HDAC8: variants seen among roughly 807,000 people sequenced by gnomAD.
The protein encoded by HDAC8 is histone deacetylase 8.
In HDAC8, 1 loss-of-function variant was observed where a neutral mutation model predicts 32.2. The observed-to-expected ratio is 0.03, with a 90% confidence interval of 0.01 to 0.15. HDAC8 has a LOEUF of 0.15. Ranked by LOEUF, HDAC8 falls within the 10% of genes least tolerant of loss-of-function variation. The pLI is 1.00. For synonymous variants in HDAC8, 108 were observed against 113.9 expected, an observed-to-expected ratio of 0.95 and a Z score of 0.33; for missense variants, 117 against 300.0, an observed-to-expected ratio of 0.39 and a Z score of 4.51.
intron 9 of HDAC8, among the ~76,000 whole-genome samples, chrX:72,386,902 C>G (rs1219275113): frequency 2.7e-5 from 3 of 112,092 alleles, no homozygotes; most frequent in Admixed American, 9.4e-5. Flanking sequence ...GGAATGGACA[C>G]AACTGTGCAG....
At chrX:72,470,919 TC>T (rs2048156636) in intron 7 of HDAC8, among the ~76,000 whole-genome samples, 1 of 111,417 alleles carries the variant, frequency 9.0e-6, no homozygotes, top group South Asian at 3.8e-4. Context: ...TTTAGCATAT[TC>T]AAAGAGTTGT....
chrX:72,421,838 G>C (rs1555973695), intron 9 of HDAC8, among the ~76,000 whole-genome samples: 4 of 111,828 alleles, frequency 3.6e-5, no homozygotes, highest in Non-Finnish European at 3.8e-5. Flanking sequence ...TTCTAGGATA[G>C]GATTAGTGGT....
chrX:72,545,187 G>T (rs1413896525), intron 4 of HDAC8, among the ~76,000 whole-genome samples: 1 of 111,799 alleles, frequency 8.9e-6, no homozygotes, highest in Non-Finnish European at 1.9e-5. Context: ...CTTGAAGGCA[G>T]TAGAGAATAG....
intron 7 of HDAC8, among the ~76,000 whole-genome samples, chrX:72,479,881 A>G (rs1556002266): frequency 8.9e-6 from 1 of 112,283 alleles, no homozygotes; most frequent in Non-Finnish European, 1.9e-5. Flanking sequence ...GAGTTCACTG[A>G]CTGAGGTTTC....
chrX:72,527,772 CTTTTTTTTT>C (rs1157041190), intron 4 of HDAC8, among the ~76,000 whole-genome samples: 1 of 89,536 alleles, frequency 1.1e-5, no homozygotes, highest in Non-Finnish European at 2.2e-5. Context: ...TTTCTGACCT[CTTTTTTTTT>C]TTTTTTTTTT....
At chrX:72,505,151 T>C (rs782052644) in intron 4 of HDAC8, among the ~76,000 whole-genome samples, 3 of 111,267 alleles carry the variant, frequency 2.7e-5, no homozygotes, top group Non-Finnish European at 3.8e-5. Context: ...CACACACTTA[T>C]TGGATATATG....
chrX:72,511,156 G>C (rs995560086), intron 4 of HDAC8, among the ~76,000 whole-genome samples: 4 of 111,515 alleles, frequency 3.6e-5, no homozygotes, highest in African/African-American at 1.3e-4. Flanking sequence ...TTTAAAAAGA[G>C]GTTAAAGAAC....
At chrX:72,350,832 T>C (rs1555948588) in intron 10 of HDAC8, among the ~76,000 whole-genome samples, 1 of 111,739 alleles carries the variant, frequency 8.9e-6, no homozygotes, top group African/African-American at 3.3e-5. Flanking sequence ...ACTTCCCCTC[T>C]ACCCCGAGGC....
At chrX:72,388,595 TACACACAC>T (rs59374504) in intron 9 of HDAC8, among the ~76,000 whole-genome samples, 214 of 88,402 alleles carry the variant, frequency 2.4e-3, no homozygotes, top group Admixed American at 3.9e-3. Flanking sequence ...CCACAGTGAT[TACACACAC>T]ACACACACAC....
Position 72,491,686 on chromosome X carries a change from G to A in HDAC8, c.551-680C>T, listed in dbSNP as rs1048900291. 2.7e-5 allele frequency among the ~76,000 whole-genome samples: 3 copies of A among 111,554 alleles called. No individual in the cohort carries two copies. In the Admixed American group the frequency reaches 2.9e-4, roughly 11 times the overall value. ...AGAAAGATGGGCGAGAAAGGGGTCTGTTTTCCATTTTAACTTAGTGAGTAA... is the reference window on the plus strand; with the variant it reads ...AGAAAGATGGGCGAGAAAGGGGTCTATTTTCCATTTTAACTTAGTGAGTAA... On this transcript the variant is annotated intron_variant, in intron 5 of 10. Coordinates refer to ENST00000373573, the MANE Select transcript of HDAC8 (RefSeq NM_018486.3).
intron 4 of HDAC8, among the ~76,000 whole-genome samples, chrX:72,559,992 G>A (rs1423642176): frequency 9.9e-6 from 1 of 100,800 alleles, no homozygotes; most frequent in African/African-American, 3.7e-5. Flanking sequence ...GGTGGGGGGC[G>A]CCTCTGCCCG....
At chrX:72,350,794 T>A (rs73225126) in intron 10 of HDAC8, among the ~76,000 whole-genome samples, 484 of 111,748 alleles carry the variant, frequency 4.3e-3, no homozygotes, top group Non-Finnish European at 7.9e-3. Context: ...GACAGTGGGA[T>A]CAGGAGGGAA....
chrX:72,357,130 G>T (rs1555951044), intron 9 of HDAC8, among the ~76,000 whole-genome samples: 1 of 109,276 alleles, frequency 9.2e-6, no homozygotes, highest in Non-Finnish European at 1.9e-5. Flanking sequence ...ATTGCATGTG[G>T]GGAATAAGGA....
chrX:72,331,071 C>T lies in HDAC8; in HGVS notation c.1112-995G>A, dbSNP rs782057905. 1.2e-4 allele frequency among the ~76,000 whole-genome samples: 13 copies of T among 106,145 alleles called. No individual in the cohort carries two copies. The South Asian group carries it at 5.3e-3, about 44-fold the overall frequency. The allele number at this position is 106,145 out of a possible 115,157, so 92.2% of individuals were successfully genotyped here. A position where few individuals can be genotyped will look rare whatever the true frequency, so the allele number is the denominator to read the frequency against. ...AAGCAATTCTCCTGCCTCAGCCTCC[C>T]GAGTAACTATGACTACAGGTGTGTG... On this transcript the variant is annotated intron_variant, in intron 10 of 10. Transcript: ENST00000373573.
rs1385028800 is a variant in HDAC8 at position 72,445,619 on chromosome X, A to G, written c.1005+16385T>C. On this transcript the variant is annotated intron_variant, in intron 9 of 10. Transcript: ENST00000373573. ...AGGCATTACCATTCAGGACATAGGC[A>G]TGGGCAAGGACTTCATGTCTAAAAC... Among the ~76,000 whole-genome samples, 38 of 112,193 alleles carry G rather than the reference A, an allele frequency of 3.4e-4. 1 individual carries two copies. Among genetic ancestry groups the G allele is most frequent in the African/African-American group, 1.1e-3 (34 of 30,936 alleles).
At chrX:72,454,740 A>G (rs782090019) in intron 9 of HDAC8, among the ~76,000 whole-genome samples, 1 of 112,630 alleles carries the variant, frequency 8.9e-6, no homozygotes, top group East Asian at 2.8e-4. Flanking sequence ...TCATTGCAGC[A>G]TGTTATAGGT....
chrX:72,438,579 G>A (rs782498138), intron 9 of HDAC8, among the ~76,000 whole-genome samples: 17 of 111,148 alleles, frequency 1.5e-4, no homozygotes, highest in Admixed American at 2.9e-4. Flanking sequence ...CAGGTTAGAG[G>A]AATTGCTAAC....
chrX:72,352,493 AT>A (rs1282142765), intron 9 of HDAC8, among the ~76,000 whole-genome samples: 1 of 110,420 alleles, frequency 9.1e-6, no homozygotes, highest in Non-Finnish European at 1.9e-5. Context: ...TTGGGTAGAG[AT>A]TTTTCAACAG....
rs141091172 is a variant in HDAC8, at chrX:72,473,778, T to G, written c.738-9047A>C. 2.4e-5 allele frequency: 18 copies of G among 753,041 alleles called. No individual in the cohort carries two copies. In the African/African-American group the frequency reaches 3.7e-4, roughly 15 times the overall value. The allele number at this position is 753,041 out of a possible 1,213,427, so 62.1% of individuals were successfully genotyped here. On this transcript the variant is annotated intron_variant, in intron 7 of 10. Transcript: ENST00000373573. The stretch of plus-strand genomic sequence containing the variant: ...GCCAAAACTTTACTGGGAAGAGTGT[T>G]AATCTTCCCAAGCAAGCTTTGATCT...
Sources: gnomAD v4.1 joint callset for allele counts (sites outside exome capture counted in the v4.1 genomes callset) on GRCh38, gnomAD v4.1.1 for gene constraint, MANE v1.5 for transcripts, NCBI Gene and HGNC (gene_info 2026-07-23, HGNC 2026-07-21) for gene names.